The following DYNLT2 variants were observed in gnomAD, a reference collection of about 807,000 sequenced individuals.
DYNLT2 encodes the protein dynein light chain Tctex-type protein 2.
Under a neutral mutation model 24.3 loss-of-function variants are expected in DYNLT2, and 24 were observed. That is an observed-to-expected ratio of 0.99 (90% CI 0.71 to 1.39). DYNLT2 has a LOEUF of 1.39. Among genes scored for constraint, DYNLT2 ranks in the 40% most tolerant of loss-of-function variants. The pLI is 0.00. For missense variants in DYNLT2, 246 were observed against 234.5 expected, an observed-to-expected ratio of 1.05 and a Z score of -0.32; for synonymous variants, 85 against 85.4, an observed-to-expected ratio of 1.00 and a Z score of 0.03.
chr6:169,741,848 T>C (rs1420012614), intron 3 of DYNLT2, among the ~76,000 whole-genome samples: 1 of 152,200 alleles, frequency 6.6e-6, no homozygotes, highest in Non-Finnish European at 1.5e-5. Context: ...GTAGCACTTA[T>C]CATCTACAAC....
the DYNLT2 span, among the ~76,000 whole-genome samples, chr6:169,727,062 G>C: frequency 1.3e-5 from 2 of 152,204 alleles, no homozygotes; most frequent in Non-Finnish European, 2.9e-5. Flanking sequence ...AAGAGGGACT[G>C]GTCAGCTCTC....
chr6:169,729,529 G>GT, the DYNLT2 span, among the ~76,000 whole-genome samples: 1 of 152,158 alleles, frequency 6.6e-6, no homozygotes, highest in Non-Finnish European at 1.5e-5. Context: ...GAAAAACTGA[G>GT]TAACAGTTGT....
intron 3 of DYNLT2, among the ~76,000 whole-genome samples, chr6:169,740,954 GC>G (rs780712421): frequency 1.1e-4 from 17 of 152,038 alleles, no homozygotes; most frequent in Non-Finnish European, 2.2e-4. Flanking sequence ...GATTACAGGT[GC>G]CTGCCACCAC....
rs1790079068 is a variant in DYNLT2 at position 169,751,553 on chromosome 6, C to T, written c.-95G>A. On this transcript the variant is annotated 5_prime_UTR_variant, in exon 1 of 4. Coordinates refer to ENST00000366774, the MANE Select transcript of DYNLT2 (RefSeq NM_174910.3). ...CGCGAGGGCGGAAGTCTCCCACCTGCGCCTCGTACGGTAGGAAGTGCCCGC... is the reference window on the plus strand; with the variant it reads ...CGCGAGGGCGGAAGTCTCCCACCTGTGCCTCGTACGGTAGGAAGTGCCCGC... 19 of 1,610,082 alleles carry T rather than the reference C, an allele frequency of 1.2e-5. No individual in the cohort carries two copies. Among genetic ancestry groups the T allele is most frequent in the Non-Finnish European group, 1.6e-5 (19 of 1,178,586 alleles).
At chr6:169,725,504 C>T in the DYNLT2 span, 6 of 395,886 alleles carry the variant, frequency 1.5e-5, no homozygotes, top group Non-Finnish European at 2.2e-5. Flanking sequence ...CTCAGCCAGA[C>T]CATCCGTTCT....
chr6:169,725,560 T>G, the DYNLT2 span: 5 of 382,546 alleles, frequency 1.3e-5, no homozygotes, highest in African/African-American at 1.0e-4. Context: ...GCCGCACTTC[T>G]TGTCTGAATC....
At position 169,751,441 on chromosome 6, in the gene DYNLT2, T is replaced by G; in HGVS notation, c.18A>C (p.Arg6=). 1 of 1,614,008 alleles carries G rather than the reference T, an allele frequency of 6.2e-7. No homozygotes were observed. Among genetic ancestry groups the G allele is most frequent in the Non-Finnish European group, 8.5e-7 (1 of 1,180,006 alleles). Residue 6 remains arginine, a synonymous_variant, in exon 1 of 4, where the codon CGA becomes CGC. Transcript: ENST00000366774. ...TCTGGATGGGGCTCGACTTCACGCC[T>G]CGGCCTCGCTTCTCCATCTCGCTCT... is the stretch of plus-strand genomic sequence containing the variant. MEKRG[R]GVKSSPIQTP... is the part of the protein sequence containing the mutation.
At chr6:169,727,564 G>T in the DYNLT2 span, among the ~76,000 whole-genome samples, 1 of 151,530 alleles carries the variant, frequency 6.6e-6, no homozygotes, top group East Asian at 1.9e-4. Flanking sequence ...TTGTTTTTTT[G>T]TTTTTTTGTT....
At chr6:169,739,938 TAC>T (rs1789639481), downstream of DYNLT2, among the ~76,000 whole-genome samples, 1 of 152,146 alleles carries the variant, frequency 6.6e-6, no homozygotes, top group African/African-American at 2.4e-5. Context: ...CATACATATA[TAC>T]ACACACAGAC....
At chr6:169,747,124 TC>T (rs1789826002) in intron 1 of DYNLT2, among the ~76,000 whole-genome samples, 1 of 151,920 alleles carries the variant, frequency 6.6e-6, no homozygotes, top group South Asian at 2.1e-4. Flanking sequence ...TTTCTTTCAA[TC>T]CTTAAAGATG....
chr6:169,728,631 G>A, the DYNLT2 span, among the ~76,000 whole-genome samples: 4 of 152,018 alleles, frequency 2.6e-5, no homozygotes, highest in Non-Finnish European at 5.9e-5. Context: ...CAAAAACTCT[G>A]TTACTGCTAC....
chr6:169,730,599 A>G, the DYNLT2 span, among the ~76,000 whole-genome samples: 1 of 152,206 alleles, frequency 6.6e-6, no homozygotes, highest in Admixed American at 6.5e-5. Flanking sequence ...GATGAACCAT[A>G]TAAAGAAAGT....
intron 1 of DYNLT2, among the ~76,000 whole-genome samples, chr6:169,745,494 T>C (rs1789776503): frequency 6.6e-6 from 1 of 152,108 alleles, no homozygotes; most frequent in Admixed American, 6.6e-5. Context: ...TAAAAGAGTG[T>C]TGAATTTGAC....
At chr6:169,739,824 T>C (rs1789636300), downstream of DYNLT2, among the ~76,000 whole-genome samples, 2 of 152,228 alleles carry the variant, frequency 1.3e-5, no homozygotes, top group East Asian at 3.8e-4. Flanking sequence ...CTGAATTTGA[T>C]ACTTTACAAG....
At chr6:169,749,874 T>G (rs914613205) in intron 1 of DYNLT2, 2 of 152,236 alleles carry the variant, frequency 1.3e-5, no homozygotes, top group African/African-American at 4.8e-5. Flanking sequence ...AATTTTCCTA[T>G]GCTCCAAAAT....
intron 1 of DYNLT2, among the ~76,000 whole-genome samples, chr6:169,745,148 A>C (rs1488525457): frequency 6.6e-6 from 1 of 151,614 alleles, no homozygotes; most frequent in Non-Finnish European, 1.5e-5. Context: ...GCTGGAGTGC[A>C]GTGGCGCGAT....
In DYNLT2 at chr6:169,751,501, C is replaced by A. The variant is rs1371020823; in HGVS notation, c.-43G>T. On this transcript the variant is annotated 5_prime_UTR_variant, in exon 1 of 4. Transcript: ENST00000366774. Reference sequence around the variant, plus strand: ...GACGCCCACCGCCTCCCCTTCACCGCCGGCGGTCAAACGCCCTAGCCAGTC... The same window carrying A: ...GACGCCCACCGCCTCCCCTTCACCGACGGCGGTCAAACGCCCTAGCCAGTC... 2 of 1,611,266 alleles carry A rather than the reference C, an allele frequency of 1.2e-6. No homozygotes were observed. The highest frequency in any genetic ancestry group is 2.2e-5 in the South Asian group (2 of 90,930).
intron 1 of DYNLT2, among the ~76,000 whole-genome samples, chr6:169,747,507 A>T (rs1183909379): frequency 6.6e-6 from 1 of 152,044 alleles, no homozygotes; most frequent in African/African-American, 2.4e-5. Flanking sequence ...CATCCCCCCC[A>T]ATTTCCACAT....
downstream of DYNLT2, among the ~76,000 whole-genome samples, chr6:169,735,778 G>T (rs1317587890): frequency 1.3e-5 from 2 of 152,120 alleles, no homozygotes; most frequent in Non-Finnish European, 2.9e-5. Flanking sequence ...GAGTAGAAAG[G>T]TCTGTAGACG....
Sources: allele counts gnomAD v4.1 joint callset (sites outside exome capture counted in the v4.1 genomes callset), GRCh38; gene constraint gnomAD v4.1.1; transcripts MANE v1.5; gene names NCBI Gene and HGNC (gene_info 2026-07-23, HGNC 2026-07-21).